Variants in ARSK observed in about 807,000 individuals in gnomAD.
The protein encoded by ARSK is arylsulfatase family member K, also known as arylsulfatase K.
A neutral mutation model predicts 53.2 loss-of-function variants in ARSK; 37 were observed. The ratio of observed to expected loss-of-function variants is 0.70; its 90% confidence interval spans 0.54 to 0.92. ARSK has a LOEUF of 0.92. ARSK is among the 40% of genes least tolerant of loss of function. The pLI, the probability that ARSK is intolerant of heterozygous loss-of-function variation, is 0.00. For missense variants in ARSK, 613 were observed against 643.0 expected (o/e 0.95, Z 0.51); for synonymous variants, 208 against 223.2 (o/e 0.93, Z 0.61).
At chr5:95,563,526 G>A (rs1748675897) in intron 1 of ARSK, among the ~76,000 whole-genome samples, 1 of 152,078 alleles carries the variant, frequency 6.6e-6, no homozygotes, top group African/African-American at 2.4e-5. Flanking sequence ...CTCCCTTTCT[G>A]GTTATCTCTG....
chr5:95,576,957 G>T (rs1320084586), intron 3 of ARSK, among the ~76,000 whole-genome samples: 1 of 152,216 alleles, frequency 6.6e-6, no homozygotes, highest in Non-Finnish European at 1.5e-5. Flanking sequence ...TCCATCATAA[G>T]TTAAGTGCTG....
chr5:95,572,108 G>A (rs1748841438), intron 3 of ARSK, among the ~76,000 whole-genome samples: 1 of 151,918 alleles, frequency 6.6e-6, no homozygotes, highest in African/African-American at 2.4e-5. Flanking sequence ...CTTCCTTCTT[G>A]TACCAGTTTA....
At chr5:95,567,754 A>G in intron 2 of ARSK, 136 bp from the exon 3 acceptor site, 6 of 713,148 alleles carry the variant, frequency 8.4e-6, no homozygotes, top group East Asian at 2.7e-5. Flanking sequence ...AATGTTTGGT[A>G]AGGCACCTAA....
In ARSK at chr5:95,600,883, G is replaced by T. The variant is rs1040802422; in HGVS notation, c.1133G>T (p.Gly378Val). The stretch of plus-strand genomic sequence containing the variant: ...ATTCCTCTGCCTCAGAACCTGAGTG[G>T]ATACTCTTTGTTGCCGTTATCATCA... The part of the protein sequence containing the change: ...AGIPLPQNLS[G>V]YSLLPLSSET... Residue 378 changes from glycine (G) to valine (V), a missense_variant, in exon 7 of 8, where the codon GGA (glycine) becomes GTA (valine). By Grantham distance (109) the Gly-to-Val change is moderately radical. Coordinates refer to ENST00000380009, the MANE Select transcript of ARSK (RefSeq NM_198150.3). 6.2e-7 allele frequency: 1 copy of T among 1,613,892 alleles called. No homozygotes were observed. Among genetic ancestry groups the T allele is most frequent in the African/African-American group, 1.3e-5 (1 of 74,908 alleles).
chr5:95,594,318 A>G (rs1339241769), intron 6 of ARSK, among the ~76,000 whole-genome samples: 1 of 152,220 alleles, frequency 6.6e-6, no homozygotes, highest in East Asian at 1.9e-4. Flanking sequence ...TAAATGATAA[A>G]GGTTTAATAT....
chr5:95,580,971 A>G (rs1329606958), intron 3 of ARSK: 2 of 1,235,620 alleles, frequency 1.6e-6, no homozygotes, highest in South Asian at 1.3e-5. Flanking sequence ...TTTAACCATA[A>G]TCTTGTCTCT....
At chr5:95,587,120 T>C (rs577142565) in intron 5 of ARSK, among the ~76,000 whole-genome samples, 2 of 152,148 alleles carry the variant, frequency 1.3e-5, no homozygotes, top group Admixed American at 6.6e-5. Flanking sequence ...ATCTTGTGAC[T>C]CCCCAAAACT....
intron 6 of ARSK, among the ~76,000 whole-genome samples, chr5:95,594,109 C>T (rs1749262086): frequency 1.3e-5 from 2 of 152,126 alleles, no homozygotes; most frequent in Non-Finnish European, 2.9e-5. Flanking sequence ...GGGAAAGCTA[C>T]ATTTAAATGA....
chr5:95,583,097 A>G lies in ARSK; in HGVS notation c.598A>G (p.Ile200Val). The change falls in exon 4 of 8, where the codon ATT becomes GTT. Residue 200 changes from isoleucine (I) to valine (V), a missense_variant. Transcript: ENST00000380009. ...EAINYTEPFV[I>V]YLGLNLPHPY... is the part of the protein sequence containing the mutation. Reference sequence around the variant, plus strand: ...AATTAATTACACTGAACCATTTGTTATTTACTTGGGATTAAATTTACCACA... The same window carrying G: ...AATTAATTACACTGAACCATTTGTTGTTTACTTGGGATTAAATTTACCACA... 1 of 1,613,648 alleles carries G rather than the reference A, an allele frequency of 6.2e-7. No homozygotes were observed. The highest frequency in any genetic ancestry group is 2.2e-5 in the East Asian group (1 of 44,860).
chr5:95,558,165 G>A (rs1222799015), intron 1 of ARSK, among the ~76,000 whole-genome samples: 1 of 152,194 alleles, frequency 6.6e-6, no homozygotes, highest in Non-Finnish European at 1.5e-5. Flanking sequence ...ATGCAGCTGA[G>A]AAGTTGAGGG....
rs551885404 is a variant in ARSK at position 95,599,220 on chromosome 5, A to G, written c.1097-1627A>G. The stretch of plus-strand genomic sequence containing the variant: ...CCCAGTTTACTAATGACTTCTCATA[A>G]ACACAGGAGAAACATAAGTTTCTTA... On this transcript the variant is annotated intron_variant, in intron 6 of 7. Coordinates refer to ENST00000380009, the MANE Select transcript of ARSK (RefSeq NM_198150.3). Among the ~76,000 whole-genome samples, 4 of 152,352 alleles carry G rather than the reference A, an allele frequency of 2.6e-5. No homozygotes were observed. The South Asian group carries it at 8.3e-4, about 32-fold the overall frequency.
chr5:95,585,458 G>T (rs1038055744), intron 4 of ARSK, among the ~76,000 whole-genome samples: 1 of 152,150 alleles, frequency 6.6e-6, no homozygotes, highest in Non-Finnish European at 1.5e-5. Context: ...AGAAATTGTG[G>T]TATATATACC....
At chr5:95,565,181 C>A (rs1748705624) in intron 1 of ARSK, among the ~76,000 whole-genome samples, 1 of 152,134 alleles carries the variant, frequency 6.6e-6, no homozygotes, top group African/African-American at 2.4e-5. Flanking sequence ...CTTCAATTCC[C>A]AGTTCATCTC....
At chr5:95,599,587 CCT>C (rs1380353408) in intron 6 of ARSK, among the ~76,000 whole-genome samples, 5 of 152,140 alleles carry the variant, frequency 3.3e-5, no homozygotes, top group African/African-American at 1.2e-4. Context: ...CCTCTTTTCT[CCT>C]CTTTTTGTTT....
Position 95,576,301 on chromosome 5 carries a change from C to T in ARSK, c.417-6615C>T, listed in dbSNP as rs146495946. ...GCAACCTCCACCTCCCAGGTTCAAA[C>T]GATTCTCCTACCTTAGCCTCCTGAG... On this transcript the variant is annotated intron_variant, in intron 3 of 7. Transcript: ENST00000380009. 4.7e-5 allele frequency among the ~76,000 whole-genome samples: 7 copies of T among 148,930 alleles called. No homozygotes were observed. In the East Asian group the frequency reaches 8.0e-4, roughly 17 times the overall value.
intron 7 of ARSK, 92 bp from the exon 8 acceptor site, chr5:95,603,145 A>C: frequency 9.5e-7 from 1 of 1,047,274 alleles, no homozygotes; most frequent in South Asian, 2.1e-5. Context: ...AAATCTAAAA[A>C]AAAAATCTAA....
chr5:95,573,354 T>A (rs1748867821), intron 3 of ARSK, among the ~76,000 whole-genome samples: 1 of 152,142 alleles, frequency 6.6e-6, no homozygotes, highest in Admixed American at 6.5e-5. Flanking sequence ...TAATAAAAAA[T>A]TTAATATTAA....
intron 5 of ARSK, among the ~76,000 whole-genome samples, chr5:95,588,238 A>ATTTT (rs557510001): frequency 9.9e-5 from 14 of 141,878 alleles, no homozygotes; most frequent in African/African-American, 2.6e-4. Flanking sequence ...CTGTATCTTA[A>ATTTT]TTTTTTTTTT....
intron 6 of ARSK, among the ~76,000 whole-genome samples, chr5:95,597,353 T>G (rs1459399815): frequency 6.6e-6 from 1 of 152,202 alleles, no homozygotes; most frequent in Admixed American, 6.5e-5. Flanking sequence ...AAAACCCTTC[T>G]TGTTACAGGA....
Sources: allele counts gnomAD v4.1 joint callset (sites outside exome capture counted in the v4.1 genomes callset), GRCh38; gene constraint gnomAD v4.1.1; transcripts MANE v1.5; gene names NCBI Gene and HGNC (gene_info 2026-07-23, HGNC 2026-07-21).